Variants in MUC4 observed in about 807,000 individuals in gnomAD.
The protein encoded by MUC4 is mucin-4.
Under a neutral mutation model 257.9 loss-of-function variants are expected in MUC4, and 202 were observed. The ratio of observed to expected loss-of-function variants is 0.78; its 90% CI spans 0.70 to 0.88. The LOEUF is 0.88. Ranked by LOEUF, MUC4 falls within the 40% of genes least tolerant of loss-of-function variation. The pLI, the probability that MUC4 is intolerant of heterozygous loss-of-function variation, is 0.00. For synonymous variants in MUC4, 2,351 were observed against 2,757.1 expected (o/e 0.85, Z 4.62); for missense variants, 5,976 against 6,513.7 (o/e 0.92, Z 2.84).
intron 1 of MUC4, among the ~76,000 whole-genome samples, chr3:195,792,968 A>G (rs1401652968): frequency 6.6e-6 from 1 of 152,154 alleles, no homozygotes; most frequent in Admixed American, 6.6e-5. Context: ...AACAACACAC[A>G]CTGGCGCCTG....
intron 1 of MUC4, among the ~76,000 whole-genome samples, chr3:195,804,280 CT>C: frequency 3.3e-5 from 5 of 152,362 alleles, no homozygotes; most frequent in Admixed American, 3.3e-4. Flanking sequence ...CCACAGCTGC[CT>C]CACGTCTGTT....
chr3:195,785,388 A>C lies in MUC4; in HGVS notation c.6192T>G (p.Pro2064=), dbSNP rs113875239. ...LSSVSTGDTT[P]LPVTNPSSAS... is the part of the protein sequence containing the mutation. Reference sequence around the variant, plus strand: ...CTGAGGAAGGGTTAGTGACAGGAAGAGGCGTGGTGTCACCTGTGGATACTG... The same window carrying C: ...CTGAGGAAGGGTTAGTGACAGGAAGCGGCGTGGTGTCACCTGTGGATACTG... Residue 2064 remains proline, a synonymous_variant, in exon 2 of 25, where the codon CCT becomes CCG. Coordinates refer to ENST00000463781, the MANE Select transcript of MUC4 (RefSeq NM_018406.7). The C allele has an allele frequency of 5.6e-5, 84 of 1,510,058 alleles. 7 individuals carry two copies. The Admixed American group carries it at 1.5e-3, about 27-fold the overall frequency. The allele number at this position is 1,510,058 out of a possible 1,614,324, so 93.5% of individuals were successfully genotyped here.
At position 195,782,183 on chromosome 3, in the gene MUC4, G is replaced by T; in HGVS notation, c.9397C>A (p.Gln3133Lys). 7.5e-7 allele frequency: 1 copy of T among 1,339,846 alleles called. No individual in the cohort carries two copies. Among genetic ancestry groups the T allele is most frequent in the Admixed American group, 2.4e-5 (1 of 41,380 alleles). 83.0% of individuals were successfully genotyped at this position (1,339,846 alleles called of 1,614,324 possible). A position where few individuals can be genotyped will look rare whatever the true frequency, so the allele number is the denominator to read the frequency against. The change falls in exon 2 of 25, where the codon CAG (glutamine) becomes AAG (lysine). Residue 3133 changes from glutamine to lysine, a missense_variant. Transcript: ENST00000463781. ...CTGGTGACAGGAAGAGCGGTGGCCT[G>T]ACCTGTGGATGCTGAGGAAGTGTCG... ...VTDTSSASTGQATALPVTSTS... is the reference protein window; with the variant it reads ...VTDTSSASTGKATALPVTSTS...
At chr3:195,765,694 G>A (rs922322796) in intron 8 of MUC4, among the ~76,000 whole-genome samples, 7 of 152,352 alleles carry the variant, frequency 4.6e-5, no homozygotes, top group African/African-American at 1.4e-4. Context: ...CACAGTTCAC[G>A]TGGCTGGTTT....
intron 24 of MUC4, 23 bp from the exon 25 acceptor site, chr3:195,747,403 A>G (rs1468945887): frequency 6.2e-7 from 1 of 1,608,404 alleles, no homozygotes. Context: ...AGAGACAGAC[A>G]GGCGGTCAGA....
At chr3:195,774,769 G>A (rs926366697) in intron 3 of MUC4, among the ~76,000 whole-genome samples, 2 of 151,626 alleles carry the variant, frequency 1.3e-5, no homozygotes, top group East Asian at 1.9e-4. Flanking sequence ...GTGTGGTGGC[G>A]CATGCCTGTA....
chr3:195,754,523 G>A, intron 18 of MUC4, 151 bp from the exon 19 acceptor site: 2 of 1,091,536 alleles, frequency 1.8e-6, no homozygotes, highest in South Asian at 3.5e-5. Flanking sequence ...TCTTGACCAG[G>A]CCGTGGGGCG....
At chr3:195,794,398 G>T (rs1445264170) in intron 1 of MUC4, among the ~76,000 whole-genome samples, 7 of 150,826 alleles carry the variant, frequency 4.6e-5, no homozygotes, top group African/African-American at 1.7e-4. Flanking sequence ...AGAGAAGAAA[G>T]AGAGAGAGAG....
Position 195,789,073 on chromosome 3 carries a change from C to T in MUC4, c.2507G>A (p.Arg836Lys). The stretch of plus-strand genomic sequence containing the variant: ...TGTTGACTGGGTTGTGTGACTGTCC[C>T]TGGAGGGGTTTGATGAAAACCTTGT... ...ETTRFSSNPS[R>K]DSHTTQSTTE... The change falls in exon 2 of 25, where the codon AGG becomes AAG. Residue 836 changes from arginine to lysine, a missense_variant. By Grantham distance (26) the Arg-to-Lys change is conservative. Transcript: ENST00000463781. 1 of 1,613,564 alleles carries T rather than the reference C, an allele frequency of 6.2e-7. No homozygotes were observed. Among genetic ancestry groups the T allele is most frequent in the Non-Finnish European group, 8.5e-7 (1 of 1,179,728 alleles).
In MUC4 at chr3:195,774,286, A is replaced by G. The variant is rs1247731368; in HGVS notation, c.12963T>C (p.Tyr4321=). Residue 4321 remains tyrosine (Y), a synonymous_variant, in exon 4 of 25, where the codon TAT becomes TAC. Coordinates refer to ENST00000463781, the MANE Select transcript of MUC4 (RefSeq NM_018406.7). ...ACTCCAGGTCCCCGGCGCCTGCCCC[A>G]TAGGGGAAGAGGGAAACTCCTGGGC... ...LPERGVSLFP[Y]GAGAGDLEFV... The G allele has an allele frequency of 5.7e-6, 9 of 1,569,952 alleles. No individual in the cohort carries two copies. The Admixed American group carries it at 1.1e-4, about 20-fold the overall frequency.
chr3:195,763,431 A>G lies in MUC4; in HGVS notation c.14253+2T>C. On this transcript the variant is annotated splice_donor_variant, in intron 12 of 24. Coordinates refer to ENST00000463781, the MANE Select transcript of MUC4 (RefSeq NM_018406.7). LOFTEE classifies it high-confidence loss of function. ...GGGAGGTTCCCGGCACCCCTCACTC[A>G]CCGTGACGGGGCCCAGGCTGCTGGA... 7.1e-7 allele frequency: 1 copy of G among 1,406,654 alleles called. No individual in the cohort carries two copies. The highest frequency in any genetic ancestry group is 9.3e-7 in the Non-Finnish European group (1 of 1,076,276). 87.1% of individuals were successfully genotyped at this position (1,406,654 alleles called of 1,614,324 possible). A position where few individuals can be genotyped will look rare whatever the true frequency, so the allele number is the denominator to read the frequency against.
intron 1 of MUC4, among the ~76,000 whole-genome samples, chr3:195,808,373 G>A (rs138096215): frequency 2.6e-3 from 395 of 152,078 alleles, no homozygotes; most frequent in African/African-American, 9.0e-3. Context: ...TCGCCACCAC[G>A]CCCGGCAAAA....
At position 195,789,868 on chromosome 3, in the gene MUC4, G is replaced by A. The variant is rs184355794; in HGVS notation, c.1712C>T (p.Thr571Met). The change falls in exon 2 of 25, where the codon ACG becomes ATG. Residue 571 changes from threonine to methionine, a missense_variant. Coordinates refer to ENST00000463781, the MANE Select transcript of MUC4 (RefSeq NM_018406.7). ...AGAQTQWTQE[T>M]GTTGEALLSS... is the part of the protein sequence containing the mutation. Reference sequence around the variant, plus strand: ...GAGAAGAGCCTCTCCAGTGGTCCCCGTTTCTTGTGTCCATTGTGTCTGGGC... The same window carrying A: ...GAGAAGAGCCTCTCCAGTGGTCCCCATTTCTTGTGTCCATTGTGTCTGGGC... The A allele has an allele frequency of 6.7e-5, 108 of 1,613,042 alleles. No individual in the cohort carries two copies. The African/African-American group carries it at 9.4e-4, about 14-fold the overall frequency.
At chr3:195,794,376 AGAGAGAGAGAGAGAG>A (rs1265460384) in intron 1 of MUC4, among the ~76,000 whole-genome samples, 771 of 77,044 alleles carry the variant, frequency 0.01, 6 homozygotes, top group African/African-American at 0.047. Flanking sequence ...ATATATATAG[AGAGAGAGAGAGAGAG>A]AAGAAAGAGA....
At chr3:195,771,541 C>G in intron 5 of MUC4, 111 bp downstream of exon 5, 1 of 1,285,632 alleles carries the variant, frequency 7.8e-7, no homozygotes, top group Non-Finnish European at 1.1e-6. Context: ...GCCTCAGTCC[C>G]CTGCTGCAGG....
chr3:195,790,571 G>T lies in MUC4; in HGVS notation c.1009C>A (p.Gln337Lys). The change falls in exon 2 of 25, where the codon CAA becomes AAA. Residue 337 changes from glutamine to lysine, a missense_variant. Coordinates refer to ENST00000463781, the MANE Select transcript of MUC4 (RefSeq NM_018406.7). ...TQSVETTRVS[Q>K]INTLNTLTPV... ...GTGAGGGTGTTGAGGGTGTTGATTT[G>T]AGATACTCTGGTGGTCTCCACGCTC... 2.5e-6 allele frequency: 4 copies of T among 1,614,008 alleles called. No individual in the cohort carries two copies. The highest frequency in any genetic ancestry group is 3.4e-6 in the Non-Finnish European group (4 of 1,179,878).
In MUC4 at chr3:195,788,916, C is replaced by G. The variant is rs368548899; in HGVS notation, c.2664G>C (p.Gln888His). The G allele has an allele frequency of 6.2e-6, 10 of 1,613,504 alleles. No homozygotes were observed. Among genetic ancestry groups the G allele is most frequent in the Admixed American group, 3.3e-5 (2 of 59,910 alleles). ...AGGCACTGGGAGAAGTTGGGCTTGA[C>G]TGTCCTGTCGGTCTCCCTGCAGTGG... ...EASTAGRPTG[Q>H]SSPTSPSASP... is the part of the protein sequence containing the mutation. The change falls in exon 2 of 25, where the codon CAG becomes CAC. Residue 888 changes from glutamine (Q) to histidine (H), a missense_variant. Gln to His is a conservative substitution (Grantham distance 24). Coordinates refer to ENST00000463781, the MANE Select transcript of MUC4 (RefSeq NM_018406.7).
In MUC4 at chr3:195,781,996, G is replaced by A. The variant is rs553359649; in HGVS notation, c.9584C>T (p.Thr3195Ile). ...LPVTSPSSAS[T>I]GHATPLLVTD... ...GACAAGAAGAGGAGTGGCGTGACCT[G>A]TGGATGCTGAGGAAGGGCTAGTGAC... is the stretch of plus-strand genomic sequence containing the variant. The change falls in exon 2 of 25, where the codon ACA becomes ATA. Residue 3195 changes from threonine to isoleucine, a missense_variant. Thr to Ile is a moderately conservative substitution (Grantham distance 89). Coordinates refer to ENST00000463781, the MANE Select transcript of MUC4 (RefSeq NM_018406.7). 2.1e-4 allele frequency: 312 copies of A among 1,511,562 alleles called. 15 individuals are homozygous for A. The South Asian group carries it at 2.6e-3, about 12-fold the overall frequency. 93.6% of individuals were successfully genotyped at this position (1,511,562 alleles called of 1,614,324 possible).
chr3:195,788,714 T>C lies in MUC4; in HGVS notation c.2866A>G (p.Thr956Ala), dbSNP rs751863968. 2.3e-5 allele frequency: 37 copies of C among 1,612,390 alleles called. 1 individual carries two copies. The South Asian group carries it at 4.1e-4, about 18-fold the overall frequency. Residue 956 changes from threonine (T) to alanine (A), a missense_variant, in exon 2 of 25, where the codon ACT becomes GCT. By Grantham distance (58) the Thr-to-Ala change is moderately conservative (BLOSUM62 0). Around this residue, in one of 44 missense-constraint regions of MUC4, gnomAD observed 1,583 missense variants for 1,257.4 expected, o/e 1.26. Transcript: ENST00000463781. ...TTACCAGACCCTGAAGGTGACAGAG[T>C]GTGGGTCTCGGTTTGTGGAGATGTA... Reference protein sequence around the residue: ...GLTSPQTETHTLSPSGSGKTF... With the variant: ...GLTSPQTETHALSPSGSGKTF...
Sources: gnomAD v4.1 joint callset for allele counts (sites outside exome capture counted in the v4.1 genomes callset) on GRCh38, gnomAD v4.1.1 for gene constraint, gnomAD v4.1.1 regional missense constraint, MANE v1.5 for transcripts, NCBI Gene and HGNC (gene_info 2026-07-23, HGNC 2026-07-21) for gene names.